PXDNL: variants seen among roughly 807,000 people sequenced by gnomAD.
The protein encoded by PXDNL is peroxidasin like, also known as probable oxidoreductase PXDNL.
PXDNL carries 145 observed loss-of-function variants against 150.8 expected under a neutral mutation model. That is an observed-to-expected ratio of 0.96 (90% confidence interval 0.84 to 1.10). The LOEUF (loss-of-function observed/expected upper bound fraction) is 1.10. PXDNL is among the 50% of genes least tolerant of loss of function. The pLI is 0.00. For synonymous variants in PXDNL, 757 were observed against 725.7 expected (o/e 1.04, Z -0.69); for missense variants, 2,087 against 1,873.9 (o/e 1.11, Z -2.10).
rs563858762 is a variant in PXDNL, at chr8:51,427,103, A to C, written c.1526-345T>G. 7.2e-5 allele frequency among the ~76,000 whole-genome samples: 11 copies of C among 152,340 alleles called. No homozygotes were observed. In the South Asian group the frequency reaches 2.3e-3, roughly 32 times the overall value. ...GAAATAAAACTATACGGTAACATCA[A>C]AATTTATTTGTAGCTAAGATAAAAA... On this transcript the variant is annotated intron_variant, in intron 12 of 22. Transcript: ENST00000356297.
intron 18 of PXDNL, among the ~76,000 whole-genome samples, chr8:51,373,577 TATTA>T (rs1336468940): frequency 1.3e-5 from 2 of 152,344 alleles, no homozygotes; most frequent in East Asian, 1.9e-4. Context: ...TGAAATATAC[TATTA>T]ATTGTTACCA....
intron 1 of PXDNL, among the ~76,000 whole-genome samples, chr8:51,757,129 C>T (rs2037110765): frequency 6.6e-6 from 1 of 152,040 alleles, no homozygotes; most frequent in Admixed American, 6.6e-5. Flanking sequence ...GTGTTTCCAT[C>T]ACAAATAACT....
chr8:51,346,029 G>A (rs1213399670), intron 19 of PXDNL, 82 bp from the exon 20 acceptor site: 4 of 791,968 alleles, frequency 5.1e-6, no homozygotes, highest in Non-Finnish European at 8.5e-6. Context: ...TTAACAGTCA[G>A]AGAGGGCAAG....
intron 4 of PXDNL, among the ~76,000 whole-genome samples, chr8:51,537,571 G>C (rs1051009232): frequency 6.6e-6 from 1 of 152,106 alleles, no homozygotes; most frequent in Non-Finnish European, 1.5e-5. Context: ...AAGAGCAACA[G>C]GGGGGAAGAG....
intron 1 of PXDNL, among the ~76,000 whole-genome samples, chr8:51,669,364 T>C (rs777924425): frequency 2.0e-5 from 3 of 152,220 alleles, no homozygotes; most frequent in Non-Finnish European, 4.4e-5. Context: ...ACTTTCAGAA[T>C]GTATTATAAT....
At chr8:51,638,527 C>T (rs28793641) in intron 2 of PXDNL, among the ~76,000 whole-genome samples, 10,535 of 151,594 alleles carry the variant, frequency 0.069, 613 homozygotes, top group African/African-American at 0.16. Context: ...AAATAGAAAA[C>T]GAAAAAAGGC....
intron 12 of PXDNL, among the ~76,000 whole-genome samples, chr8:51,437,371 A>G (rs754732662): frequency 1.3e-5 from 2 of 152,174 alleles, no homozygotes; most frequent in Non-Finnish European, 2.9e-5. Flanking sequence ...AAAAACCAGG[A>G]AAGGACATAA....
At chr8:51,677,309 C>A (rs1262995220) in intron 1 of PXDNL, among the ~76,000 whole-genome samples, 2 of 152,176 alleles carry the variant, frequency 1.3e-5, no homozygotes, top group Non-Finnish European at 2.9e-5. Context: ...CATACGTTTC[C>A]TATAATCAGC....
At chr8:51,714,406 A>G (rs1415308696) in intron 1 of PXDNL, among the ~76,000 whole-genome samples, 6 of 152,220 alleles carry the variant, frequency 3.9e-5, no homozygotes, top group African/African-American at 9.6e-5. Context: ...TGTTGGCCAT[A>G]TAAGTACATC....
intron 2 of PXDNL, among the ~76,000 whole-genome samples, chr8:51,614,359 T>A (rs1053475286): frequency 2.6e-5 from 4 of 152,246 alleles, no homozygotes; most frequent in African/African-American, 9.6e-5. Context: ...CCTACTCTTG[T>A]AACACGCAGC....
At chr8:51,326,790 A>G (rs79774869) in intron 21 of PXDNL, among the ~76,000 whole-genome samples, 1 of 152,194 alleles carries the variant, frequency 6.6e-6, no homozygotes, top group African/African-American at 2.4e-5. Flanking sequence ...CTTGGGGTTG[A>G]GCTGCATCAC....
chr8:51,442,084 T>A (rs188478502), intron 12 of PXDNL, among the ~76,000 whole-genome samples: 1 of 152,060 alleles, frequency 6.6e-6, no homozygotes, highest in Non-Finnish European at 1.5e-5. Flanking sequence ...CCATGTGACA[T>A]GGACCCAGGG....
chr8:51,403,689 T>C (rs1270670730), intron 17 of PXDNL, among the ~76,000 whole-genome samples: 2 of 152,208 alleles, frequency 1.3e-5, no homozygotes, highest in Non-Finnish European at 2.9e-5. Context: ...TGCCATCTGC[T>C]TTAGGATTGG....
chr8:51,801,668 T>A (rs947063172), intron 1 of PXDNL, among the ~76,000 whole-genome samples: 1 of 152,092 alleles, frequency 6.6e-6, no homozygotes, highest in Non-Finnish European at 1.5e-5. Context: ...TGGTTCCCGA[T>A]AAAGAACAGT....
chr8:51,461,125 A>G (rs2130022954), intron 8 of PXDNL, among the ~76,000 whole-genome samples: 1 of 152,332 alleles, frequency 6.6e-6, no homozygotes, highest in South Asian at 2.1e-4. Flanking sequence ...CCAAAGGGCT[A>G]AAGGACAAAA....
intron 14 of PXDNL, among the ~76,000 whole-genome samples, chr8:51,419,452 T>C (rs1041595739): frequency 3.3e-5 from 5 of 152,212 alleles, no homozygotes; most frequent in African/African-American, 9.6e-5. Context: ...AGAAATACTC[T>C]TGAGAGAGTT....
intron 13 of PXDNL, among the ~76,000 whole-genome samples, chr8:51,426,328 A>C (rs567430416): frequency 6.6e-6 from 1 of 152,158 alleles, no homozygotes; most frequent in Non-Finnish European, 1.5e-5. Context: ...ATGGTTTCTT[A>C]TTAGCCACTA....
At chr8:51,578,194 T>G in intron 3 of PXDNL, among the ~76,000 whole-genome samples, 1 of 151,738 alleles carries the variant, frequency 6.6e-6, no homozygotes, top group African/African-American at 2.4e-5. Flanking sequence ...ATATTCCTGT[T>G]TACAGATAAT....
chr8:51,753,865 C>A (rs2037071130), intron 1 of PXDNL, among the ~76,000 whole-genome samples: 1 of 152,188 alleles, frequency 6.6e-6, no homozygotes, highest in Admixed American at 6.5e-5. Context: ...GGCTGGACTG[C>A]AGCTTGGCTC....
Sources: allele counts gnomAD v4.1 joint callset (sites outside exome capture counted in the v4.1 genomes callset), GRCh38; gene constraint gnomAD v4.1.1; transcripts MANE v1.5; gene names NCBI Gene and HGNC (gene_info 2026-07-23, HGNC 2026-07-21).